AP4S1: variants seen among roughly 807,000 people sequenced by gnomAD.
AP4S1 encodes adaptor related protein complex 4 subunit sigma 1.
In AP4S1, 23 loss-of-function variants were observed where a neutral mutation model predicts 19.8. The ratio of observed to expected loss-of-function variants is 1.16; its 90% CI spans 0.84 to 1.65. AP4S1 has a LOEUF of 1.65. Ranked by LOEUF, AP4S1 falls within the 40% of genes most tolerant of loss-of-function variation. The pLI is 0.00. For synonymous variants in AP4S1, 46 were observed against 54.1 expected (o/e 0.85, Z 0.66); for missense variants, 166 against 172.8 (o/e 0.96, Z 0.22).
intron 1 of AP4S1, among the ~76,000 whole-genome samples, chr14:31,045,842 G>C (rs1026503098): frequency 6.6e-6 from 1 of 152,000 alleles, no homozygotes; most frequent in African/African-American, 2.4e-5. Context: ...GTGACCTAGA[G>C]TGAGTCCGTA....
At chr14:31,082,809 T>A (rs1244570224) in intron 5 of AP4S1, among the ~76,000 whole-genome samples, 1 of 150,492 alleles carries the variant, frequency 6.6e-6, no homozygotes, top group Non-Finnish European at 1.5e-5. Context: ...GGCAGGAGAA[T>A]GGCGTGAACC....
rs1057287542 is a variant in AP4S1 at position 31,026,188 on chromosome 14, T to G, written c.-72+401T>G. The G allele has an allele frequency of 9.7e-6, 14 of 1,439,310 alleles. No individual in the cohort carries two copies. The East Asian group carries it at 3.6e-4, about 37-fold the overall frequency. 89.2% of individuals were successfully genotyped at this position (1,439,310 alleles called of 1,614,324 possible). ...CCGCCTCCGGCAAGCTCGTCCATTG[T>G]GTGTGGGGCCCCGGCCGGGGCGCAG... On this transcript the variant is annotated intron_variant, in intron 1 of 5. Coordinates refer to ENST00000542754, the MANE Select transcript of AP4S1 (RefSeq NM_001128126.3).
At chr14:31,062,693 C>G (rs114078887) in intron 1 of AP4S1, among the ~76,000 whole-genome samples, 1 of 152,036 alleles carries the variant, frequency 6.6e-6, no homozygotes, top group South Asian at 2.1e-4. Context: ...ATTGGCCAGG[C>G]GCGGTGGCTC....
chr14:31,067,275 G>GTT (rs932173517), intron 2 of AP4S1, among the ~76,000 whole-genome samples: 3 of 149,316 alleles, frequency 2.0e-5, no homozygotes, highest in African/African-American at 7.4e-5. Flanking sequence ...TAATTTAATA[G>GTT]TTTTTTTTTA....
At chr14:31,027,078 C>G (rs896444446) in intron 1 of AP4S1, 1 of 151,752 alleles carries the variant, frequency 6.6e-6, no homozygotes, top group Non-Finnish European at 1.5e-5. Context: ...ACTTTGCGTC[C>G]CCTCTTCTTT....
chr14:31,057,470 A>G (rs1349379871), intron 1 of AP4S1, among the ~76,000 whole-genome samples: 2 of 152,228 alleles, frequency 1.3e-5, no homozygotes, highest in East Asian at 3.8e-4. Context: ...GAAATACGCC[A>G]TCAGAAATAT....
At chr14:31,087,540 A>C (rs1887953225) in intron 5 of AP4S1, among the ~76,000 whole-genome samples, 1 of 152,090 alleles carries the variant, frequency 6.6e-6, no homozygotes, top group Admixed American at 6.6e-5. Context: ...TTTTTAATAG[A>C]CACAGGATTT....
intron 4 of AP4S1, among the ~76,000 whole-genome samples, chr14:31,074,140 A>T (rs1312185211): frequency 4.8e-5 from 7 of 144,514 alleles, no homozygotes; most frequent in South Asian, 2.2e-4. Flanking sequence ...GGCTGGCCAA[A>T]ATGGTGAAAC....
chr14:31,060,742 G>A (rs1229969376), intron 1 of AP4S1, among the ~76,000 whole-genome samples: 3 of 152,168 alleles, frequency 2.0e-5, no homozygotes, highest in Non-Finnish European at 4.4e-5. Context: ...CTGGGATTCT[G>A]ATTAGTCCAA....
chr14:31,064,343 G>T (rs1052595228), intron 1 of AP4S1, among the ~76,000 whole-genome samples: 3 of 151,870 alleles, frequency 2.0e-5, no homozygotes, highest in African/African-American at 7.3e-5. Flanking sequence ...CCACCTCCCG[G>T]GCTCAAGAGA....
chr14:31,029,766 A>G (rs1458752419), intron 1 of AP4S1, among the ~76,000 whole-genome samples: 1 of 151,936 alleles, frequency 6.6e-6, no homozygotes, highest in East Asian at 1.9e-4. Flanking sequence ...GCAGTGAGCC[A>G]TAATTGCATC....
chr14:31,074,378 C>T (rs185107495), intron 4 of AP4S1, among the ~76,000 whole-genome samples: 35 of 139,006 alleles, frequency 2.5e-4, no homozygotes, highest in African/African-American at 8.7e-4. Context: ...GTAAGCTGGG[C>T]GCGGTGGCTG....
At chr14:31,085,549 G>T (rs1396556742) in intron 5 of AP4S1, 10 of 980,130 alleles carry the variant, frequency 1.0e-5, no homozygotes, top group Non-Finnish European at 1.2e-5. Flanking sequence ...TGAAGCAGGA[G>T]GATTGCTTGA....
rs372000435 is a variant in AP4S1, at chr14:31,076,602, A to G, written c.294+3629A>G. On this transcript the variant is annotated intron_variant, in intron 4 of 5. Transcript: ENST00000542754. ...ATATGATTTGAAAATATTTTCTCCC[A>G]TTCCTTTGTAGATGTTCAATTGTTC... 7.9e-5 allele frequency among the ~76,000 whole-genome samples: 12 copies of G among 152,278 alleles called. 1 individual carries two copies. Among genetic ancestry groups the G allele is most frequent in the Admixed American group, 7.2e-4 (11 of 15,286 alleles).
At chr14:31,067,110 C>G (rs1180578917) in intron 2 of AP4S1, among the ~76,000 whole-genome samples, 2 of 151,526 alleles carry the variant, frequency 1.3e-5, no homozygotes, top group African/African-American at 2.4e-5. Context: ...ACTGGGGAGG[C>G]CGAGGCAGGA....
At chr14:31,071,748 C>T (rs1887014399) in intron 3 of AP4S1, among the ~76,000 whole-genome samples, 1 of 151,766 alleles carries the variant, frequency 6.6e-6, no homozygotes, top group South Asian at 2.1e-4. Flanking sequence ...CTCTCTCCAT[C>T]ACCCAGGCTA....
At position 31,069,778 on chromosome 14, in the gene AP4S1, C is replaced by T. The variant is rs7155228; in HGVS notation, c.139-65C>T. 8.0e-5 allele frequency: 94 copies of T among 1,181,016 alleles called. No individual in the cohort carries two copies. In the African/African-American group the frequency reaches 1.2e-3, roughly 15 times the overall value. 73.2% of individuals were successfully genotyped at this position (1,181,016 alleles called of 1,614,324 possible). ...CGGGTAAATCAGAACCTAGAACTTA[C>T]GCATGTCATTTTAAAGAACTCTCTC... On this transcript the variant is annotated intron_variant, in intron 2 of 5. Transcript: ENST00000542754.
At chr14:31,028,683 C>T (rs1328001948) in intron 1 of AP4S1, among the ~76,000 whole-genome samples, 6 of 151,970 alleles carry the variant, frequency 3.9e-5, no homozygotes, top group African/African-American at 1.4e-4. Flanking sequence ...GAGGCCGAAG[C>T]GGGCAGATCA....
intron 1 of AP4S1, among the ~76,000 whole-genome samples, chr14:31,028,850 G>C (rs7142495): frequency 0.98 from 149,754 of 152,270 alleles, 73,725 homozygotes; most frequent in Middle Eastern, 1. Flanking sequence ...CCACTACACT[G>C]TAGCCTGGGT....
Sources: allele counts gnomAD v4.1 joint callset (sites outside exome capture counted in the v4.1 genomes callset), GRCh38; gene constraint gnomAD v4.1.1; transcripts MANE v1.5; gene names NCBI Gene and HGNC (gene_info 2026-07-23, HGNC 2026-07-21).